The following FOSL2 variants were observed in gnomAD, a reference collection of about 807,000 sequenced individuals.
FOSL2 encodes FOS like 2, AP-1 transcription factor subunit.
Under a neutral mutation model 27.7 loss-of-function variants are expected in FOSL2, and 3 were observed. That is an observed-to-expected ratio of 0.11 (90% confidence interval 0.05 to 0.28). The LOEUF (loss-of-function observed/expected upper bound fraction) is 0.28. FOSL2 is among the 10% of genes least tolerant of loss of function. The pLI, the probability that FOSL2 is intolerant of heterozygous loss-of-function variation, is 1.00. For synonymous variants in FOSL2, 179 were observed against 190.1 expected (o/e 0.94, Z 0.48); for missense variants, 333 against 445.1 (o/e 0.75, Z 2.27).
chr2:28,414,184 C>T lies in FOSL2; in HGVS notation c.*1736C>T, dbSNP rs568686120. ...CGTTTGAAAGATAATTAAGATCCCC[C>T]GTGGAGAAAGCAGTGACACATTCAC... On this transcript the variant is annotated 3_prime_UTR_variant, in exon 4 of 4. Transcript: ENST00000264716. 7 of 209,050 alleles carry T rather than the reference C, an allele frequency of 3.3e-5. No individual in the cohort carries two copies. The South Asian group carries it at 7.5e-4, about 22-fold the overall frequency. 12.9% of individuals were successfully genotyped at this position (209,050 alleles called of 1,614,324 possible).
Position 28,404,279 on chromosome 2 carries a change from C to T in FOSL2, c.275C>T (p.Pro92Leu). The T allele has an allele frequency of 6.2e-7, 1 of 1,614,204 alleles. No individual in the cohort carries two copies. Among genetic ancestry groups the T allele is most frequent in the Non-Finnish European group, 8.5e-7 (1 of 1,180,032 alleles). The change falls in exon 2 of 4, where the codon CCT becomes CTT. Residue 92 changes from proline (P) to leucine (L), a missense_variant. Pro to Leu is a moderately conservative substitution (Grantham distance 98, BLOSUM62 -3). Coordinates refer to ENST00000264716, the MANE Select transcript of FOSL2 (RefSeq NM_005253.4). This position sits in a 1 kb window ranked among gnomAD's most constrained non-coding sequence, Gnocchi z 4.7. ...CCCCTGCCGGGCCTGGCCTCTGTCC[C>T]TGGACACATGGCCCTCCCAAGACCT... ...YSPLPGLASV[P>L]GHMALPRPGV...
At position 28,414,441 on chromosome 2, in the gene FOSL2, GC is replaced by G. The variant is rs1664273271; in HGVS notation, c.*1994del. ...ATGCCCCTCTCCCGATTTCCCAGGG[GC>G]TCTGGGAGGGACCCTTCTAAGAAGA... On this transcript the variant is annotated 3_prime_UTR_variant, in exon 4 of 4. Coordinates refer to ENST00000264716, the MANE Select transcript of FOSL2 (RefSeq NM_005253.4). 2 of 152,146 alleles carry G rather than the reference GC, an allele frequency of 1.3e-5. No individual in the cohort carries two copies. The highest frequency in any genetic ancestry group is 4.8e-5 in the African/African-American group (2 of 41,422). The allele number at this position is 152,146 out of a possible 1,614,324, so 9.4% of individuals were successfully genotyped here. A position where few individuals can be genotyped will look rare whatever the true frequency, so the allele number is the denominator to read the frequency against.
At position 28,415,236 on chromosome 2, in the gene FOSL2, A is replaced by C. The variant is rs540896347; in HGVS notation, c.*2788A>C. 1 of 152,374 alleles carries C rather than the reference A, an allele frequency of 6.6e-6. No individual in the cohort carries two copies. Among genetic ancestry groups the C allele is most frequent in the East Asian group, 1.9e-4 (1 of 5,184 alleles). The allele number at this position is 152,374 out of a possible 1,614,324, so 9.4% of individuals were successfully genotyped here. The stretch of plus-strand genomic sequence containing the variant: ...GCGGGCGCTCTGATCAGCTCGTGTA[A>C]AACACACCGTCTTCTTGGCCTCCTG... On this transcript the variant is annotated 3_prime_UTR_variant, in exon 4 of 4. Coordinates refer to ENST00000264716, the MANE Select transcript of FOSL2 (RefSeq NM_005253.4).
In FOSL2 at chr2:28,408,600, A is replaced by C. The variant is rs1167308205; in HGVS notation, c.355-159A>C. ...AGGCAGCCAGACATCAGGGATCCAC[A>C]TGTTCTGGGGCCTCTGAGTCCAGCC... On this transcript the variant is annotated intron_variant, in intron 2 of 3. Coordinates refer to ENST00000264716, the MANE Select transcript of FOSL2 (RefSeq NM_005253.4). This position sits in a 1 kb window ranked among gnomAD's most constrained non-coding sequence, Gnocchi z 4.1. Among the ~76,000 whole-genome samples, 3 of 152,214 alleles carry C rather than the reference A, an allele frequency of 2.0e-5. No individual in the cohort carries two copies. Among genetic ancestry groups the C allele is most frequent in the Admixed American group, 1.3e-4 (2 of 15,292 alleles).
rs751257082 is a variant in FOSL2, at chr2:28,412,034, A to T, written c.567A>T (p.Pro189=). The change falls in exon 4 of 4, where the codon CCA becomes CCT. Residue 189 remains proline (P), a synonymous_variant. Coordinates refer to ENST00000264716, the MANE Select transcript of FOSL2 (RefSeq NM_005253.4). The surrounding 1 kb of genome is among the most constrained non-coding windows in gnomAD (Gnocchi z 7.1). ...AGTTCATGTTGGTGGCTCACGGCCC[A>T]GTGTGCAAGATTAGCCCCGAGGAGC... ...KLEFMLVAHG[P]VCKISPEERR... The T allele has an allele frequency of 1.2e-6, 2 of 1,611,930 alleles. No individual in the cohort carries two copies. The highest frequency in any genetic ancestry group is 3.3e-5 in the Admixed American group (2 of 60,018).
In FOSL2 at chr2:28,408,042, G is replaced by A. The variant is rs899935102; in HGVS notation, c.355-717G>A. ...CACTTGTTGAGTGGACAGATATGGT[G>A]GGCAGCAGGATTTTACCTGCTGGGG... On this transcript the variant is annotated intron_variant, in intron 2 of 3. Transcript: ENST00000264716. This position sits in a 1 kb window ranked among gnomAD's most constrained non-coding sequence, Gnocchi z 4.1. 6.6e-6 allele frequency among the ~76,000 whole-genome samples: 1 copy of A among 152,204 alleles called. No individual in the cohort carries two copies. The highest frequency in any genetic ancestry group is 1.5e-5 in the Non-Finnish European group (1 of 68,044).
At chr2:28,410,670 CACGT>C (rs1664174753) in intron 3 of FOSL2, 2 of 320,282 alleles carry the variant, frequency 6.2e-6, no homozygotes, top group Middle Eastern at 1.5e-3. Context: ...GCGGCCCCTC[CACGT>C]GCACTTGCTC....
intron 3 of FOSL2, among the ~76,000 whole-genome samples, chr2:28,409,391 C>T (rs370168946): frequency 2.6e-5 from 4 of 152,286 alleles, no homozygotes; most frequent in South Asian, 2.1e-4. Flanking sequence ...TTCTCATTTC[C>T]TTTATGGGCA....
At chr2:28,403,173 G>A (rs1432038799) in intron 1 of FOSL2, among the ~76,000 whole-genome samples, 1 of 152,194 alleles carries the variant, frequency 6.6e-6, no homozygotes, top group East Asian at 1.9e-4. Context: ...GCAGTTTCCA[G>A]TAGCTGCCTT....
At chr2:28,411,822 T>G in intron 3 of FOSL2, 108 bp from the exon 4 acceptor site, 1 of 1,190,616 alleles carries the variant, frequency 8.4e-7, no homozygotes, top group Non-Finnish European at 1.2e-6. Flanking sequence ...GTTAGGTGTG[T>G]GAGCCTCTGC....
In FOSL2 at chr2:28,412,826, C is replaced by T. The variant is rs146306617; in HGVS notation, c.*378C>T. On this transcript the variant is annotated 3_prime_UTR_variant, in exon 4 of 4. Transcript: ENST00000264716. The surrounding 1 kb of genome is among the most constrained non-coding windows in gnomAD (Gnocchi z 7.1). ...GATGGTGTCCTTCCCTGCCCCACCA[C>T]GCATGCTCAGTGCCTTTTGGTTTCA... 3 of 204,286 alleles carry T rather than the reference C, an allele frequency of 1.5e-5. No individual in the cohort carries two copies. The highest frequency in any genetic ancestry group is 5.5e-5 in the Admixed American group (1 of 18,116). 12.7% of individuals were successfully genotyped at this position (204,286 alleles called of 1,614,324 possible). A position where few individuals can be genotyped will look rare whatever the true frequency, so the allele number is the denominator to read the frequency against.
chr2:28,399,918 A>G (rs1358503434), intron 1 of FOSL2, among the ~76,000 whole-genome samples: 1 of 152,174 alleles, frequency 6.6e-6, no homozygotes, highest in Non-Finnish European at 1.5e-5. Flanking sequence ...CGTATAGCCC[A>G]CCAAGCCTAA....
At position 28,413,621 on chromosome 2, in the gene FOSL2, C is replaced by G; in HGVS notation, c.*1173C>G. The G allele has an allele frequency of 2.5e-6, 1 of 398,892 alleles. No individual in the cohort carries two copies. Among genetic ancestry groups the G allele is most frequent in the Non-Finnish European group, 4.4e-6 (1 of 226,246 alleles). 24.7% of individuals were successfully genotyped at this position (398,892 alleles called of 1,614,324 possible). The stretch of plus-strand genomic sequence containing the variant: ...ACTGGAGTGGCGTCTGCAGCAGCTG[C>G]TGCCCCAGCACCCGCTCAGCCTGTC... On this transcript the variant is annotated 3_prime_UTR_variant, in exon 4 of 4. Transcript: ENST00000264716.
chr2:28,413,449 C>G lies in FOSL2; in HGVS notation c.*1001C>G. 2.5e-6 allele frequency: 1 copy of G among 398,806 alleles called. No homozygotes were observed. Among genetic ancestry groups the G allele is most frequent in the Non-Finnish European group, 4.4e-6 (1 of 226,214 alleles). The allele number at this position is 398,806 out of a possible 1,614,324, so 24.7% of individuals were successfully genotyped here. A position where few individuals can be genotyped will look rare whatever the true frequency, so the allele number is the denominator to read the frequency against. ...CCTGCCGGGCTCCGCCTTTCCCCCACCCTGGCTCTCAGGGTGACGCCACCC... is the reference window on the plus strand; with the variant it reads ...CCTGCCGGGCTCCGCCTTTCCCCCAGCCTGGCTCTCAGGGTGACGCCACCC... On this transcript the variant is annotated 3_prime_UTR_variant, in exon 4 of 4. Coordinates refer to ENST00000264716, the MANE Select transcript of FOSL2 (RefSeq NM_005253.4).
At position 28,412,523 on chromosome 2, in the gene FOSL2, C is replaced by T. The variant is rs773188322; in HGVS notation, c.*75C>T. The T allele has an allele frequency of 5.5e-4, 830 of 1,517,816 alleles. 2 individuals carry two copies. Among genetic ancestry groups the T allele is most frequent in the Admixed American group, 1.1e-3 (58 of 54,018 alleles). The allele number at this position is 1,517,816 out of a possible 1,614,324, so 94.0% of individuals were successfully genotyped here. ...CTTCCCAGGGACCAGCACCTTCAAG[C>T]GCTCCAGGGCCGTGAGGGCAAGAGG... On this transcript the variant is annotated 3_prime_UTR_variant, in exon 4 of 4. Coordinates refer to ENST00000264716, the MANE Select transcript of FOSL2 (RefSeq NM_005253.4). This position sits in a 1 kb window ranked among gnomAD's most constrained non-coding sequence, Gnocchi z 7.1.
Position 28,393,900 on chromosome 2 carries a change from TC to T in FOSL2, c.102+79del, listed in dbSNP as rs1663742135. On this transcript the variant is annotated intron_variant, in intron 1 of 3. Coordinates refer to ENST00000264716, the MANE Select transcript of FOSL2 (RefSeq NM_005253.4). The surrounding 1 kb of genome is among the most constrained non-coding windows in gnomAD (Gnocchi z 4.6). ...CTCGCCGCCACTGCCTCTTTTGCTTTCTTTTCTTTTTCTTGGCGAGAAAATA... is the reference window on the plus strand; with the variant it reads ...CTCGCCGCCACTGCCTCTTTTGCTTTTTTTCTTTTTCTTGGCGAGAAAATA... The T allele has an allele frequency of 3.0e-6, 3 of 1,008,780 alleles. No individual in the cohort carries two copies. In the East Asian group the frequency reaches 8.6e-5, roughly 29 times the overall value. 62.5% of individuals were successfully genotyped at this position (1,008,780 alleles called of 1,614,324 possible). A position where few individuals can be genotyped will look rare whatever the true frequency, so the allele number is the denominator to read the frequency against.
intron 1 of FOSL2, chr2:28,396,676 GGCT>G (rs1175734246): frequency 6.6e-6 from 1 of 151,994 alleles, no homozygotes; most frequent in Non-Finnish European, 1.5e-5. Context: ...ACTTTTCCAA[GGCT>G]GCTATTTGTT....
chr2:28,411,484 C>T (rs1399809072), intron 3 of FOSL2, among the ~76,000 whole-genome samples: 1 of 152,148 alleles, frequency 6.6e-6, no homozygotes, highest in Non-Finnish European at 1.5e-5. Flanking sequence ...AGAACATAGA[C>T]CCTGGAGTCA....
At position 28,416,349 on chromosome 2, in the gene FOSL2, A is replaced by T. The variant is rs1483836504; in HGVS notation, c.*3901A>T. On this transcript the variant is annotated 3_prime_UTR_variant, in exon 4 of 4. Transcript: ENST00000264716. The stretch of plus-strand genomic sequence containing the variant: ...TATGGGAAAGGGAGGGGGAGAAGAA[A>T]TTGACATTTATTTTATTATTTATTT... 1 of 152,012 alleles carries T rather than the reference A, an allele frequency of 6.6e-6. No individual in the cohort carries two copies. The highest frequency in any genetic ancestry group is 1.5e-5 in the Non-Finnish European group (1 of 68,006). The allele number at this position is 152,012 out of a possible 1,614,324, so 9.4% of individuals were successfully genotyped here. A position where few individuals can be genotyped will look rare whatever the true frequency, so the allele number is the denominator to read the frequency against.
Sources: allele counts gnomAD v4.1 joint callset (sites outside exome capture counted in the v4.1 genomes callset), GRCh38; gene constraint gnomAD v4.1.1; non-coding constraint Gnocchi (gnomAD v3.1); transcripts MANE v1.5; gene names NCBI Gene and HGNC (gene_info 2026-07-23, HGNC 2026-07-21).